The following ST6GALNAC3 variants were observed in gnomAD, a reference collection of about 807,000 sequenced individuals.
ST6GALNAC3 encodes alpha-N-acetylgalactosaminide alpha-2,6-sialyltransferase 3.
Under a neutral mutation model 32.7 loss-of-function variants are expected in ST6GALNAC3, and 25 were observed. The observed-to-expected ratio is 0.76, with a 90% CI of 0.56 to 1.07. ST6GALNAC3 has a LOEUF of 1.07. Among genes scored for constraint, ST6GALNAC3 ranks in the 50% least tolerant of loss-of-function variants. The pLI, the probability that ST6GALNAC3 is intolerant of heterozygous loss-of-function variation, is 0.00. For synonymous variants in ST6GALNAC3, 129 were observed against 133.1 expected, an observed-to-expected ratio of 0.97 and a Z score of 0.21; for missense variants, 355 against 382.4, an observed-to-expected ratio of 0.93 and a Z score of 0.60.
intron 3 of ST6GALNAC3, among the ~76,000 whole-genome samples, chr1:76,421,225 G>A (rs1339854741): frequency 6.6e-6 from 1 of 151,974 alleles, no homozygotes; most frequent in Non-Finnish European, 1.5e-5. Context: ...ATGCCAAAGA[G>A]GCAAGTTCTA....
intron 3 of ST6GALNAC3, among the ~76,000 whole-genome samples, chr1:76,450,884 T>C (rs1248215198): frequency 6.6e-6 from 1 of 152,176 alleles, no homozygotes; most frequent in Non-Finnish European, 1.5e-5. Flanking sequence ...ATTTCTGGGT[T>C]CTACATTCTG....
At chr1:76,246,129 T>C (rs887198955) in intron 1 of ST6GALNAC3, among the ~76,000 whole-genome samples, 5 of 152,224 alleles carry the variant, frequency 3.3e-5, no homozygotes, top group African/African-American at 7.2e-5. Context: ...AGTTAGCTTT[T>C]CTTGTTCCAT....
rs143753940 is a variant in ST6GALNAC3, at chr1:76,412,269, C to T, written c.475C>T (p.Arg159Cys). Residue 159 changes from arginine (R) to cysteine (C), a missense_variant, in exon 3 of 5, where the codon CGC (arginine) becomes TGC (cysteine). Physicochemically the swap from Arg to Cys is radical, Grantham distance 180. Transcript: ENST00000328299. ...TTIYVIWGPF[R>C]NMRKDGNGIV... ...TATTTATGTTATTTGGGGACCTTTC[C>T]GCAATATGAGGAAAGATGGCAATGG... 7.0e-5 allele frequency: 113 copies of T among 1,613,370 alleles called. No individual in the cohort carries two copies. The African/African-American group carries it at 1.2e-3, about 17-fold the overall frequency.
At chr1:76,384,575 A>G (rs1253580198) in intron 2 of ST6GALNAC3, among the ~76,000 whole-genome samples, 2 of 152,174 alleles carry the variant, frequency 1.3e-5, no homozygotes, top group Non-Finnish European at 2.9e-5. Context: ...TCTAAAAGCT[A>G]CAGAATGCAT....
chr1:76,555,678 A>C (rs949427894), intron 3 of ST6GALNAC3, among the ~76,000 whole-genome samples: 13 of 152,230 alleles, frequency 8.5e-5, no homozygotes, highest in Admixed American at 8.5e-4. Context: ...GTGAAAAAGT[A>C]GCAGGTGTAA....
At chr1:76,088,531 TG>T (rs1340645061) in intron 1 of ST6GALNAC3, among the ~76,000 whole-genome samples, 1 of 152,138 alleles carries the variant, frequency 6.6e-6, no homozygotes, top group African/African-American at 2.4e-5. Flanking sequence ...GTGGAGCTGG[TG>T]TTGAGCCTAA....
intron 1 of ST6GALNAC3, among the ~76,000 whole-genome samples, chr1:76,079,463 A>C (rs994989998): frequency 6.6e-6 from 1 of 152,182 alleles, no homozygotes; most frequent in Admixed American, 6.5e-5. Context: ...AATTGTATTA[A>C]CTTTTATATT....
chr1:76,123,232 C>A (rs895046139), intron 1 of ST6GALNAC3, among the ~76,000 whole-genome samples: 8 of 152,000 alleles, frequency 5.3e-5, no homozygotes, highest in Admixed American at 2.6e-4. Flanking sequence ...ATTAGCTGGG[C>A]ATGGTGGCAG....
chr1:76,479,543 C>T (rs180953706), intron 3 of ST6GALNAC3, among the ~76,000 whole-genome samples: 29 of 152,268 alleles, frequency 1.9e-4, no homozygotes, highest in Admixed American at 3.3e-4. Context: ...CATAACATGG[C>T]GGAAGCCATC....
intron 1 of ST6GALNAC3, among the ~76,000 whole-genome samples, chr1:76,146,107 A>C (rs1394581397): frequency 6.6e-6 from 1 of 152,248 alleles, no homozygotes; most frequent in African/African-American, 2.4e-5. Flanking sequence ...ATATGTCTGC[A>C]TGAGTGGACA....
intron 1 of ST6GALNAC3, among the ~76,000 whole-genome samples, chr1:76,272,984 C>G (rs1658936376): frequency 1.3e-5 from 2 of 152,192 alleles, no homozygotes; most frequent in South Asian, 2.1e-4. Context: ...GAGGAGTGAC[C>G]ACTGAAAACA....
At chr1:76,485,261 C>T (rs1237846342) in intron 3 of ST6GALNAC3, among the ~76,000 whole-genome samples, 2 of 152,298 alleles carry the variant, frequency 1.3e-5, no homozygotes, top group South Asian at 4.1e-4. Flanking sequence ...AGGTTTCCCT[C>T]TTTTTCTATT....
chr1:76,570,413 A>G (rs992293090), intron 3 of ST6GALNAC3, among the ~76,000 whole-genome samples: 2 of 151,330 alleles, frequency 1.3e-5, no homozygotes, highest in South Asian at 2.1e-4. Context: ...TCTGTACTCC[A>G]TGCAGCATGT....
chr1:76,549,880 T>C (rs926207759), intron 3 of ST6GALNAC3, among the ~76,000 whole-genome samples: 10 of 152,198 alleles, frequency 6.6e-5, no homozygotes, highest in Non-Finnish European at 1.5e-4. Context: ...ATCAATCTTT[T>C]AGTGTGAAAT....
chr1:76,378,562 T>C (rs1006169244), intron 2 of ST6GALNAC3, among the ~76,000 whole-genome samples: 1 of 151,578 alleles, frequency 6.6e-6, no homozygotes, highest in African/African-American at 2.4e-5. Context: ...CTCAGGAGGC[T>C]GAGACAGGAG....
At chr1:76,315,190 G>A (rs1475208889) in intron 2 of ST6GALNAC3, among the ~76,000 whole-genome samples, 1 of 151,936 alleles carries the variant, frequency 6.6e-6, no homozygotes, top group African/African-American at 2.4e-5. Context: ...TGAATTTGTT[G>A]AGTGTCCTAA....
At chr1:76,412,872 G>A (rs1654359169) in intron 3 of ST6GALNAC3, 1 of 225,044 alleles carries the variant, frequency 4.4e-6, no homozygotes, top group East Asian at 1.5e-4. Context: ...AGATTGTGTA[G>A]CTTCTTGCAT....
chr1:76,116,001 T>G (rs1420966309), intron 1 of ST6GALNAC3, among the ~76,000 whole-genome samples: 1 of 152,168 alleles, frequency 6.6e-6, no homozygotes, highest in African/African-American at 2.4e-5. Context: ...CTGCTCTCAT[T>G]AAGCTTGTTG....
intron 3 of ST6GALNAC3, among the ~76,000 whole-genome samples, chr1:76,621,571 G>A (rs1648653607): frequency 2.0e-5 from 3 of 151,984 alleles, no homozygotes; most frequent in Admixed American, 2.0e-4. Flanking sequence ...CCCGACTATT[G>A]AATGATATAC....
Sources: allele counts gnomAD v4.1 joint callset (sites outside exome capture counted in the v4.1 genomes callset), GRCh38; gene constraint gnomAD v4.1.1; transcripts MANE v1.5; gene names NCBI Gene and HGNC (gene_info 2026-07-23, HGNC 2026-07-21).